COG5: variants seen among roughly 807,000 people sequenced by gnomAD.
COG5 encodes component of oligomeric golgi complex 5, also known as conserved oligomeric Golgi complex subunit 5.
COG5 carries 86 observed loss-of-function variants against 110.4 expected under a neutral mutation model. That is an observed-to-expected ratio of 0.78 (90% CI 0.65 to 0.93). The LOEUF (loss-of-function observed/expected upper bound fraction) is 0.93. Among genes scored for constraint, COG5 ranks in the 40% least tolerant of loss-of-function variants. The pLI, the probability that COG5 is intolerant of heterozygous loss-of-function variation, is 0.00. For missense variants in COG5, 1,077 were observed against 987.0 expected, an observed-to-expected ratio of 1.09 and a Z score of -1.22; for synonymous variants, 360 against 334.6, an observed-to-expected ratio of 1.08 and a Z score of -0.83.
chr7:107,362,001 A>G (rs1266715161), intron 10 of COG5, 32 bp downstream of exon 10: 1 of 1,422,620 alleles, frequency 7.0e-7, no homozygotes, highest in East Asian at 2.3e-5. Context: ...TTTGTACAAG[A>G]AAGATGTAAA....
chr7:107,220,848 C>T (rs1312383898), intron 19 of COG5, among the ~76,000 whole-genome samples: 4 of 140,934 alleles, frequency 2.8e-5, no homozygotes, highest in African/African-American at 8.1e-5. Flanking sequence ...GAGGCAGTCT[C>T]GCTTTGTCGC....
chr7:107,344,913 T>G (rs1352429735), intron 10 of COG5, among the ~76,000 whole-genome samples: 2 of 152,230 alleles, frequency 1.3e-5, no homozygotes, highest in Non-Finnish European at 2.9e-5. Context: ...ACAACTTGGC[T>G]AATTAGTATA....
intron 11 of COG5, among the ~76,000 whole-genome samples, chr7:107,321,016 G>T (rs1330035258): frequency 2.0e-5 from 3 of 152,010 alleles, no homozygotes; most frequent in Non-Finnish European, 2.9e-5. Context: ...GGTTTCAAAG[G>T]GCTTCCATAA....
intron 7 of COG5, among the ~76,000 whole-genome samples, chr7:107,408,920 C>A (rs1792068665): frequency 6.6e-6 from 1 of 151,978 alleles, no homozygotes; most frequent in Non-Finnish European, 1.5e-5. Flanking sequence ...TTTTCTTGAG[C>A]CCTCCCAACC....
intron 11 of COG5, among the ~76,000 whole-genome samples, chr7:107,317,517 C>T (rs1437024262): frequency 2.0e-5 from 3 of 152,128 alleles, no homozygotes; most frequent in Non-Finnish European, 4.4e-5. Flanking sequence ...GGCTGGAAAA[C>T]CTCATAATTC....
At chr7:107,230,820 G>A (rs1800724883) in intron 18 of COG5, 129 bp from the exon 19 acceptor site, 1 of 716,468 alleles carries the variant, frequency 1.4e-6, no homozygotes, top group Non-Finnish European at 2.5e-6. Flanking sequence ...GGCAAGTTGT[G>A]ATGGCCAACT....
chr7:107,216,406 C>T (rs922455452), intron 19 of COG5, among the ~76,000 whole-genome samples: 6 of 152,194 alleles, frequency 3.9e-5, no homozygotes, highest in Non-Finnish European at 7.3e-5. Flanking sequence ...ATGGACCCAA[C>T]AGACATATAC....
intron 6 of COG5, among the ~76,000 whole-genome samples, chr7:107,441,912 G>A (rs1289825350): frequency 6.6e-6 from 1 of 152,124 alleles, no homozygotes. Context: ...AAACCTATTG[G>A]TATGCATTAG....
intron 11 of COG5, among the ~76,000 whole-genome samples, chr7:107,307,344 T>C (rs1332298034): frequency 6.6e-6 from 1 of 152,216 alleles, no homozygotes; most frequent in Non-Finnish European, 1.5e-5. Flanking sequence ...TTTTTCTTTA[T>C]TCTTCTGTGC....
At chr7:107,557,882 T>C (rs1271918484) in intron 2 of COG5, 94 bp downstream of exon 2, 15 of 1,459,638 alleles carry the variant, frequency 1.0e-5, no homozygotes, top group Non-Finnish European at 1.4e-5. Context: ...TACTTCTTCA[T>C]GTAAATATGC....
At chr7:107,213,420 G>A (rs533637348) in intron 19 of COG5, among the ~76,000 whole-genome samples, 1 of 152,324 alleles carries the variant, frequency 6.6e-6, no homozygotes, top group South Asian at 2.1e-4. Flanking sequence ...GGACTATGGA[G>A]CATAACCTCT....
chr7:107,560,527 G>A (rs1025042086), intron 1 of COG5, among the ~76,000 whole-genome samples: 1 of 152,172 alleles, frequency 6.6e-6, no homozygotes, highest in South Asian at 2.1e-4. Flanking sequence ...TAGACCACTA[G>A]ACACTGAATA....
chr7:107,207,552 A>G (rs1206468085), intron 21 of COG5, among the ~76,000 whole-genome samples: 1 of 152,250 alleles, frequency 6.6e-6, no homozygotes, highest in Non-Finnish European at 1.5e-5. Flanking sequence ...AATGGATTTG[A>G]GGCCAACCCC....
intron 14 of COG5, among the ~76,000 whole-genome samples, chr7:107,265,654 T>C (rs1803737627): frequency 6.6e-6 from 1 of 152,230 alleles, no homozygotes; most frequent in Non-Finnish European, 1.5e-5. Flanking sequence ...TGATTAAATA[T>C]CACTTAGTTT....
chr7:107,320,006 A>G (rs139883064), intron 11 of COG5, among the ~76,000 whole-genome samples: 1 of 152,282 alleles, frequency 6.6e-6, no homozygotes, highest in East Asian at 1.9e-4. Context: ...AAAAACTGAA[A>G]AGTATAATTC....
rs1376459663 is a variant in COG5, at chr7:107,476,183, TTAAAAAAAA to T, written c.538+51045_538+51053del. Among the ~76,000 whole-genome samples the T allele has an allele frequency of 2.9e-3, 253 of 86,492 alleles. 5 individuals carry two copies. The highest frequency in any genetic ancestry group is 0.012 in the African/African-American group (205 of 17,230). The allele number at this position is 86,492 out of a possible 152,430, so 56.7% of individuals were successfully genotyped here. On this transcript the variant is annotated intron_variant, in intron 6 of 21. Coordinates refer to ENST00000297135, the MANE Select transcript of COG5 (RefSeq NM_006348.5). ...TCTGGATTAATATAGTGCAATGATT[TTAAAAAAAA>T]AAAAAAAAAAAAAAAGAACAGTACA...
chr7:107,460,488 A>G (rs1376257088), intron 6 of COG5, among the ~76,000 whole-genome samples: 1 of 152,198 alleles, frequency 6.6e-6, no homozygotes, highest in East Asian at 1.9e-4. Flanking sequence ...TAAGCGATAT[A>G]AAATAAAACA....
intron 6 of COG5, among the ~76,000 whole-genome samples, chr7:107,453,598 C>A (rs1460153165): frequency 6.6e-6 from 1 of 152,162 alleles, no homozygotes; most frequent in African/African-American, 2.4e-5. Flanking sequence ...CCTCAGATTA[C>A]ATCAGTCAAA....
At chr7:107,517,435 C>T (rs139771965) in intron 6 of COG5, among the ~76,000 whole-genome samples, 2 of 152,192 alleles carry the variant, frequency 1.3e-5, no homozygotes, top group East Asian at 3.9e-4. Context: ...GGATATTATC[C>T]AGGAGAACTT....
Sources: allele counts gnomAD v4.1 joint callset (sites outside exome capture counted in the v4.1 genomes callset), GRCh38; gene constraint gnomAD v4.1.1; transcripts MANE v1.5; gene names NCBI Gene and HGNC (gene_info 2026-07-23, HGNC 2026-07-21).